The following PPP1R13B variants were observed in gnomAD, a reference collection of about 807,000 sequenced individuals.
The protein encoded by PPP1R13B is protein phosphatase 1 regulatory subunit 13B.
In PPP1R13B, 44 loss-of-function variants were observed where a neutral mutation model predicts 119.8. That is an observed-to-expected ratio of 0.37 (90% CI 0.29 to 0.47). The LOEUF (loss-of-function observed/expected upper bound fraction) is 0.47, where lower values mean the gene tolerates loss of function less well. Among genes scored for constraint, PPP1R13B ranks in the 20% least tolerant of loss-of-function variants. The pLI, the probability that PPP1R13B is intolerant of heterozygous loss-of-function variation, is 0.99. For missense variants in PPP1R13B, 1,227 were observed against 1,413.5 expected, an observed-to-expected ratio of 0.87 and a Z score of 2.12; for synonymous variants, 542 against 561.5, an observed-to-expected ratio of 0.97 and a Z score of 0.49.
At chr14:103,772,718 G>A (rs2152006654) in intron 4 of PPP1R13B, among the ~76,000 whole-genome samples, 1 of 151,110 alleles carries the variant, frequency 6.6e-6, no homozygotes, top group Non-Finnish European at 1.5e-5. Context: ...TGTTGCCCAG[G>A]CTAGAGTGCA....
At chr14:103,814,863 T>C (rs1371402215) in intron 1 of PPP1R13B, among the ~76,000 whole-genome samples, 1 of 151,786 alleles carries the variant, frequency 6.6e-6, no homozygotes, top group African/African-American at 2.4e-5. Context: ...GAGACAGGTG[T>C]GAACCCGGGA....
intron 1 of PPP1R13B, among the ~76,000 whole-genome samples, chr14:103,844,103 C>G (rs192669210): frequency 0.012 from 1,838 of 151,938 alleles, 20 homozygotes; most frequent in Non-Finnish European, 0.017. Flanking sequence ...CCCGTCTCTA[C>G]TAAAAATACA....
chr14:103,847,189 C>G, intron 1 of PPP1R13B, 110 bp downstream of exon 1: 4 of 1,024,432 alleles, frequency 3.9e-6, no homozygotes, highest in Middle Eastern at 4.7e-4. Flanking sequence ...TCCTTCCCCG[C>G]CCGCCCGGCC....
chr14:103,784,846 C>A lies in PPP1R13B; in HGVS notation c.226G>T (p.Val76Leu). 1 of 1,608,380 alleles carries A rather than the reference C, an allele frequency of 6.2e-7. No homozygotes were observed. The highest frequency in any genetic ancestry group is 1.1e-5 in the South Asian group (1 of 90,478). ...TCCTCGTGTCGAAGGAAAAATTTCA[C>A]TTCTTCCCTCCGTGGACCCCATTTC... ...LQKWGPRREE[V>L]KFFLRHEDSP... Residue 76 changes from valine to leucine, a missense_variant, in exon 3 of 17, where the codon GTG becomes TTG. Val to Leu is a conservative substitution (Grantham distance 32). Coordinates refer to ENST00000202556, the MANE Select transcript of PPP1R13B (RefSeq NM_015316.3).
chr14:103,842,017 T>C (rs1346679750), intron 1 of PPP1R13B, among the ~76,000 whole-genome samples: 4 of 152,212 alleles, frequency 2.6e-5, no homozygotes, highest in Non-Finnish European at 5.9e-5. Flanking sequence ...CAGGGTTTTG[T>C]TGTCAATTAC....
chr14:103,843,909 T>G (rs945060490), intron 1 of PPP1R13B, among the ~76,000 whole-genome samples: 2 of 148,542 alleles, frequency 1.3e-5, no homozygotes, highest in African/African-American at 2.5e-5. Context: ...GCCGAGGTCA[T>G]GCCACTGCAC....
In PPP1R13B at chr14:103,847,310, C is replaced by A; in HGVS notation, c.-3G>T. On this transcript the variant is annotated 5_prime_UTR_variant, in exon 1 of 17. Transcript: ENST00000202556. ...CCGCCCTCACCCACCGGCATCATCGCGGGGAGAGTCCGCGACGCCCTCGGC... is the reference window on the plus strand; with the variant it reads ...CCGCCCTCACCCACCGGCATCATCGAGGGGAGAGTCCGCGACGCCCTCGGC... 8.0e-7 allele frequency: 1 copy of A among 1,244,950 alleles called. No homozygotes were observed. The highest frequency in any genetic ancestry group is 1.7e-5 in the South Asian group (1 of 59,346). 77.1% of individuals were successfully genotyped at this position (1,244,950 alleles called of 1,614,324 possible).
chr14:103,734,660 G>A lies in PPP1R13B; in HGVS notation c.*494C>T, dbSNP rs1407111616. On this transcript the variant is annotated 3_prime_UTR_variant, in exon 17 of 17. Coordinates refer to ENST00000202556, the MANE Select transcript of PPP1R13B (RefSeq NM_015316.3). ...ACACTGGACATGTTTCCATACAGAGGCTCCTTTGGTGATGAAGGGAAGAAG... is the reference window on the plus strand; with the variant it reads ...ACACTGGACATGTTTCCATACAGAGACTCCTTTGGTGATGAAGGGAAGAAG... The A allele has an allele frequency of 4.4e-6, 2 of 456,704 alleles. No homozygotes were observed. The highest frequency in any genetic ancestry group is 1.5e-5 in the South Asian group (1 of 64,564). 28.3% of individuals were successfully genotyped at this position (456,704 alleles called of 1,614,324 possible). A position where few individuals can be genotyped will look rare whatever the true frequency, so the allele number is the denominator to read the frequency against.
chr14:103,844,546 A>T (rs1294760371), intron 1 of PPP1R13B, among the ~76,000 whole-genome samples: 2 of 152,052 alleles, frequency 1.3e-5, no homozygotes, highest in Non-Finnish European at 2.9e-5. Context: ...CCTGCCCAAC[A>T]TAGTGAAACC....
chr14:103,740,007 C>A lies in PPP1R13B; in HGVS notation c.2409G>T (p.Glu803Asp). ...DNELPSPEPE[E>D]LICPQTTHQT... ...GGTGGGTGGTTTGGGGACAGATGAG[C>A]TCCTCTGGTTCGGGGGAAGGTAACT... The change falls in exon 12 of 17, where the codon GAG becomes GAT. Residue 803 changes from glutamate (E) to aspartate (D), a missense_variant. By Grantham distance (45) the Glu-to-Asp change is conservative. Coordinates refer to ENST00000202556, the MANE Select transcript of PPP1R13B (RefSeq NM_015316.3). This position sits in a 1 kb window ranked among gnomAD's most constrained non-coding sequence, Gnocchi z 4.6. The A allele has an allele frequency of 6.2e-7, 1 of 1,614,052 alleles. No homozygotes were observed. The highest frequency in any genetic ancestry group is 8.5e-7 in the Non-Finnish European group (1 of 1,179,998).
intron 1 of PPP1R13B, among the ~76,000 whole-genome samples, chr14:103,833,225 C>G (rs1286939546): frequency 6.6e-6 from 1 of 152,054 alleles, no homozygotes; most frequent in African/African-American, 2.4e-5. Flanking sequence ...AATACACTTC[C>G]CTCACATCTG....
Position 103,738,505 on chromosome 14 carries a change from G to A in PPP1R13B, c.2864+174C>T. On this transcript the variant is annotated intron_variant, in intron 14 of 16. Transcript: ENST00000202556. This position sits in a 1 kb window ranked among gnomAD's most constrained non-coding sequence, Gnocchi z 5.6. ...TTTAACAAAATCATCAAGAGAAAAG[G>A]CTGGAAAAAAAGGCAAGGAAACCCT... is the stretch of plus-strand genomic sequence containing the variant. The A allele has an allele frequency of 1.0e-6, 1 of 982,112 alleles. No homozygotes were observed. Among genetic ancestry groups the A allele is most frequent in the Non-Finnish European group, 1.5e-6 (1 of 676,878 alleles). The allele number at this position is 982,112 out of a possible 1,614,324, so 60.8% of individuals were successfully genotyped here.
rs1362659561 is a variant in PPP1R13B, at chr14:103,740,960, C to A, written c.1823-367G>T. On this transcript the variant is annotated intron_variant, in intron 11 of 16. Coordinates refer to ENST00000202556, the MANE Select transcript of PPP1R13B (RefSeq NM_015316.3). This position sits in a 1 kb window ranked among gnomAD's most constrained non-coding sequence, Gnocchi z 4.6. ...CATGCATCTGATTCTTGGACTAACT[C>A]ACATGACGGAGACACACGCGCCTCC... Among the ~76,000 whole-genome samples the A allele has an allele frequency of 6.6e-6, 1 of 152,240 alleles. No homozygotes were observed.
Position 103,836,254 on chromosome 14 carries a change from G to A in PPP1R13B, c.9+11045C>T, listed in dbSNP as rs899080252. Among the ~76,000 whole-genome samples the A allele has an allele frequency of 6.0e-5, 9 of 149,714 alleles. 1 individual carries two copies. The South Asian group carries it at 1.5e-3, about 25-fold the overall frequency. On this transcript the variant is annotated intron_variant, in intron 1 of 16. Coordinates refer to ENST00000202556, the MANE Select transcript of PPP1R13B (RefSeq NM_015316.3). ...AGAGATGGGGTTTCACTATGTTGGC[G>A]AGGCTGGTCTCGAATTCCTGACCTC... is the stretch of plus-strand genomic sequence containing the variant.
intron 9 of PPP1R13B, among the ~76,000 whole-genome samples, chr14:103,745,873 C>G (rs571810590): frequency 1.3e-5 from 2 of 152,148 alleles, no homozygotes; most frequent in Admixed American, 1.3e-4. Context: ...CACAGTGGCA[C>G]GATCTCACTG....
chr14:103,844,741 G>A (rs1001106197), intron 1 of PPP1R13B, among the ~76,000 whole-genome samples: 1 of 152,030 alleles, frequency 6.6e-6, no homozygotes, highest in Non-Finnish European at 1.5e-5. Context: ...AAGAAAAAAA[G>A]AAAAAAGTTA....
At chr14:103,795,860 C>A (rs562421999) in intron 2 of PPP1R13B, among the ~76,000 whole-genome samples, 2 of 152,300 alleles carry the variant, frequency 1.3e-5, no homozygotes, top group South Asian at 4.1e-4. Flanking sequence ...CCTTAAAATT[C>A]TTTACTCTGA....
intron 3 of PPP1R13B, among the ~76,000 whole-genome samples, chr14:103,783,538 C>T (rs2085384618): frequency 6.6e-6 from 1 of 152,002 alleles, no homozygotes; most frequent in Non-Finnish European, 1.5e-5. Context: ...AGGCGTGAGC[C>T]ACCACACCCA....
At chr14:103,805,636 C>T (rs2086000508) in intron 1 of PPP1R13B, among the ~76,000 whole-genome samples, 1 of 151,960 alleles carries the variant, frequency 6.6e-6, no homozygotes, top group African/African-American at 2.4e-5. Context: ...CAAGACAAAA[C>T]CAAAATCTCC....
Sources: allele counts gnomAD v4.1 joint callset (sites outside exome capture counted in the v4.1 genomes callset), GRCh38; gene constraint gnomAD v4.1.1; non-coding constraint Gnocchi (gnomAD v3.1); transcripts MANE v1.5; gene names NCBI Gene and HGNC (gene_info 2026-07-23, HGNC 2026-07-21).